CSMD1: variants seen among roughly 807,000 people sequenced by gnomAD.
The protein encoded by CSMD1 is CUB and Sushi multiple domains 1, also known as CUB and sushi domain-containing protein 1.
In CSMD1, 213 loss-of-function variants were observed where a neutral mutation model predicts 417.5. That is an observed-to-expected ratio of 0.51 (90% CI 0.46 to 0.57). The LOEUF (loss-of-function observed/expected upper bound fraction) is 0.57, where lower values mean the gene tolerates loss of function less well. Among genes scored for constraint, CSMD1 ranks in the 20% least tolerant of loss-of-function variants. The pLI is 0.00. For synonymous variants in CSMD1, 2,862 were observed against 1,736.8 expected (o/e 1.65, Z -16.11); for missense variants, 6,923 against 4,529.7 (o/e 1.53, Z -15.17).
intron 6 of CSMD1, among the ~76,000 whole-genome samples, chr8:3,748,688 G>A (rs1290521780): frequency 1.3e-5 from 2 of 152,162 alleles, no homozygotes; most frequent in Non-Finnish European, 2.9e-5. Flanking sequence ...GAATGCATAC[G>A]TTTTATCCAA....
chr8:3,817,658 C>G (rs975226458), intron 5 of CSMD1, among the ~76,000 whole-genome samples: 23 of 152,184 alleles, frequency 1.5e-4, no homozygotes, highest in Admixed American at 1.5e-3. Flanking sequence ...ATGTTAAAAA[C>G]TTAAAGCTCT....
At chr8:3,356,480 G>T (rs147482235) in intron 21 of CSMD1, among the ~76,000 whole-genome samples, 2,374 of 152,264 alleles carry the variant, frequency 0.016, 58 homozygotes, top group African/African-American at 0.054. Context: ...TCCGAGACCA[G>T]CCTGGTCAAC....
chr8:4,986,214 T>A (rs945589064), intron 1 of CSMD1, among the ~76,000 whole-genome samples: 2 of 152,120 alleles, frequency 1.3e-5, no homozygotes, highest in African/African-American at 4.8e-5. Flanking sequence ...AAGTGAAAAT[T>A]TACTCAGAGC....
At position 3,270,444 on chromosome 8, in the gene CSMD1, A is replaced by G. The variant is rs952139931; in HGVS notation, c.4153+13700T>C. On this transcript the variant is annotated intron_variant, in intron 26 of 69. Coordinates refer to ENST00000635120, the MANE Select transcript of CSMD1 (RefSeq NM_033225.6). The stretch of plus-strand genomic sequence containing the variant: ...TGATCAGTTTTAATGAAGAAAATTT[A>G]CCAGGTGATAGATTAAAAACTATGG... Among the ~76,000 whole-genome samples, 6 of 152,336 alleles carry G rather than the reference A, an allele frequency of 3.9e-5. No homozygotes were observed. In the East Asian group the frequency reaches 9.7e-4, roughly 25 times the overall value.
At chr8:3,052,414 G>C in intron 50 of CSMD1, 48 bp downstream of exon 50, 1 of 1,477,920 alleles carries the variant, frequency 6.8e-7, no homozygotes, top group Non-Finnish European at 9.1e-7. Context: ...AAAGCATTCA[G>C]TTCCCACCTA....
intron 4 of CSMD1, among the ~76,000 whole-genome samples, chr8:4,030,361 G>T (rs1052828078): frequency 1.3e-5 from 2 of 152,150 alleles, no homozygotes; most frequent in African/African-American, 2.4e-5. Context: ...CTAGGCAAAG[G>T]TTCCCAAACC....
intron 1 of CSMD1, among the ~76,000 whole-genome samples, chr8:4,902,967 T>C (rs1804982814): frequency 1.1e-5 from 1 of 87,034 alleles, no homozygotes; most frequent in African/African-American, 4.3e-5. Flanking sequence ...AAACTTTGAA[T>C]ACTAAACTAA....
chr8:4,688,758 G>T (rs1451462507), intron 1 of CSMD1, among the ~76,000 whole-genome samples: 4 of 152,098 alleles, frequency 2.6e-5, no homozygotes, highest in Non-Finnish European at 5.9e-5. Flanking sequence ...TTACAGCACT[G>T]CGGAGATAAC....
At chr8:3,642,991 TA>T (rs1044138910) in intron 7 of CSMD1, among the ~76,000 whole-genome samples, 2 of 150,946 alleles carry the variant, frequency 1.3e-5, no homozygotes, top group African/African-American at 4.9e-5. Context: ...ATTAATAAAT[TA>T]AAAAAAATAG....
chr8:3,246,920 A>G (rs905238514), intron 26 of CSMD1, among the ~76,000 whole-genome samples: 8 of 152,192 alleles, frequency 5.3e-5, no homozygotes, highest in African/African-American at 1.7e-4. Context: ...TTTGCTGTAG[A>G]AAAAAGTGTT....
intron 26 of CSMD1, among the ~76,000 whole-genome samples, chr8:3,254,832 C>T (rs536158332): frequency 1.1e-4 from 16 of 152,162 alleles, no homozygotes; most frequent in East Asian, 3.9e-4. Context: ...TCCTTTAGCT[C>T]GGGGTCGTTT....
chr8:4,114,333 T>C (rs1034460277), intron 3 of CSMD1, among the ~76,000 whole-genome samples: 2 of 152,210 alleles, frequency 1.3e-5, no homozygotes, highest in East Asian at 1.9e-4. Context: ...CACATCTGTT[T>C]ACAGCACGGT....
chr8:4,042,120 A>C (rs895909025), intron 3 of CSMD1, among the ~76,000 whole-genome samples: 1 of 152,200 alleles, frequency 6.6e-6, no homozygotes, highest in Non-Finnish European at 1.5e-5. Context: ...GAAGAAAAGG[A>C]AACAAATTAC....
chr8:4,429,780 G>T (rs1005560322), intron 2 of CSMD1, among the ~76,000 whole-genome samples: 9 of 152,128 alleles, frequency 5.9e-5, no homozygotes, highest in Non-Finnish European at 1.0e-4. Flanking sequence ...ACCCGTATTT[G>T]TTGAAATATA....
intron 23 of CSMD1, among the ~76,000 whole-genome samples, chr8:3,312,862 C>T (rs569532707): frequency 6.6e-6 from 1 of 152,146 alleles, no homozygotes; most frequent in Admixed American, 6.5e-5. Context: ...TTACTTTATC[C>T]ACATTCGTTA....
chr8:4,551,714 C>A (rs1213328065), intron 2 of CSMD1, among the ~76,000 whole-genome samples: 1 of 151,966 alleles, frequency 6.6e-6, no homozygotes, highest in Non-Finnish European at 1.5e-5. Context: ...GCTCTATCTC[C>A]CAGGCTGGAG....
At chr8:3,555,239 G>C (rs1419410606) in intron 10 of CSMD1, among the ~76,000 whole-genome samples, 1 of 151,700 alleles carries the variant, frequency 6.6e-6, no homozygotes, top group Non-Finnish European at 1.5e-5. Flanking sequence ...TGTGAAATGT[G>C]ACAGGGCATT....
intron 5 of CSMD1, among the ~76,000 whole-genome samples, chr8:3,772,909 A>G (rs1798695354): frequency 6.6e-6 from 1 of 152,010 alleles, no homozygotes; most frequent in African/African-American, 2.4e-5. Flanking sequence ...GAGGGCTGAT[A>G]AAAGACATGT....
At chr8:2,974,714 A>G in intron 55 of CSMD1, 90 bp from the exon 56 acceptor site, 1 of 871,424 alleles carries the variant, frequency 1.1e-6, no homozygotes, top group Non-Finnish European at 1.6e-6. Context: ...CCATACTGAC[A>G]TCATGTATTA....
Sources: gnomAD v4.1 joint callset for allele counts (sites outside exome capture counted in the v4.1 genomes callset) on GRCh38, gnomAD v4.1.1 for gene constraint, MANE v1.5 for transcripts, NCBI Gene and HGNC (gene_info 2026-07-23, HGNC 2026-07-21) for gene names.